CADM1: variants seen among roughly 807,000 people sequenced by gnomAD.
CADM1 encodes cell adhesion molecule 1, also known as TSLC-1.
In CADM1, 15 loss-of-function variants were observed where a neutral mutation model predicts 53.1. The ratio of observed to expected loss-of-function variants is 0.28; its 90% CI spans 0.19 to 0.44. CADM1 has a LOEUF of 0.44. CADM1 is among the 20% of genes least tolerant of loss of function. The probability of loss-of-function intolerance (pLI) is 1.00; values close to 1 mark genes in which losing one functional copy is unlikely to be tolerated. For missense variants in CADM1, 434 were observed against 611.3 expected (o/e 0.71, Z 3.06); for synonymous variants, 281 against 243.0 (o/e 1.16, Z -1.45).
chr11:115,232,438 G>A (rs1175369515), intron 3 of CADM1, among the ~76,000 whole-genome samples: 2 of 152,186 alleles, frequency 1.3e-5, no homozygotes, highest in Admixed American at 1.3e-4. Context: ...CAATTAGTTT[G>A]CAGCAATTTT....
At chr11:115,333,661 T>C (rs1945189455) in intron 1 of CADM1, 1 of 152,194 alleles carries the variant, frequency 6.6e-6, no homozygotes. Flanking sequence ...TGGGAGTCGG[T>C]ATCATCTTGA....
chr11:115,449,436 C>T (rs1274917649), intron 1 of CADM1, among the ~76,000 whole-genome samples: 2 of 152,154 alleles, frequency 1.3e-5, no homozygotes, highest in African/African-American at 2.4e-5. Flanking sequence ...AATAAGCCAC[C>T]TTCATTTCTT....
chr11:115,251,353 G>A (rs995888780), intron 1 of CADM1, among the ~76,000 whole-genome samples: 1 of 150,916 alleles, frequency 6.6e-6, no homozygotes, highest in Non-Finnish European at 1.5e-5. Flanking sequence ...GCTTAGAGCC[G>A]ACAGGACAAG....
chr11:115,232,209 C>G (rs78042766), intron 3 of CADM1, among the ~76,000 whole-genome samples: 1 of 152,130 alleles, frequency 6.6e-6, no homozygotes, highest in Non-Finnish European at 1.5e-5. Context: ...TCTTGAATTT[C>G]AATCTTCAAA....
intron 1 of CADM1, among the ~76,000 whole-genome samples, chr11:115,306,752 G>A (rs1036761574): frequency 3.3e-5 from 5 of 151,896 alleles, no homozygotes; most frequent in Admixed American, 6.6e-5. Context: ...TTAATACAAG[G>A]GAAATTTCTG....
intron 10 of CADM1, 191 bp downstream of exon 10, chr11:115,190,697 A>C (rs569042490): frequency 3.5e-6 from 2 of 565,022 alleles, no homozygotes; most frequent in African/African-American, 1.9e-5. Context: ...TCCGAAATAT[A>C]AATATCGCTA....
chr11:115,370,398 T>C (rs1230547075), intron 1 of CADM1, among the ~76,000 whole-genome samples: 1 of 152,144 alleles, frequency 6.6e-6, no homozygotes, highest in Non-Finnish European at 1.5e-5. Context: ...GAGGGGGTAT[T>C]TGGAGTCAGT....
chr11:115,492,687 G>A (rs540040771), intron 1 of CADM1, among the ~76,000 whole-genome samples: 22 of 152,000 alleles, frequency 1.4e-4, no homozygotes, highest in Admixed American at 5.2e-4. Flanking sequence ...CTAAAAAGAC[G>A]TTGCTATCAC....
intron 3 of CADM1, among the ~76,000 whole-genome samples, chr11:115,237,975 T>A (rs1432752552): frequency 6.6e-6 from 1 of 152,228 alleles, no homozygotes; most frequent in East Asian, 1.9e-4. Context: ...TGGCAAAGTA[T>A]ATGTTCATGG....
At chr11:115,397,208 A>G (rs993494657) in intron 1 of CADM1, 1 of 152,190 alleles carries the variant, frequency 6.6e-6, no homozygotes, top group African/African-American at 2.4e-5. Context: ...ACTCAGTGCT[A>G]TAATTTAAAA....
chr11:115,204,503 A>G (rs1045135666), intron 8 of CADM1, among the ~76,000 whole-genome samples: 5 of 152,220 alleles, frequency 3.3e-5, no homozygotes, highest in African/African-American at 4.8e-5. Context: ...TGTTGAGTGC[A>G]TAACTAAAAG....
intron 10 of CADM1, among the ~76,000 whole-genome samples, chr11:115,183,372 T>C (rs1459958632): frequency 3.9e-5 from 6 of 152,198 alleles, no homozygotes; most frequent in African/African-American, 1.2e-4. Context: ...TAAACCGCCA[T>C]GCAAATGCCA....
chr11:115,187,732 C>T (rs182057537), intron 10 of CADM1, among the ~76,000 whole-genome samples: 52 of 152,242 alleles, frequency 3.4e-4, no homozygotes, highest in Admixed American at 3.3e-4. Context: ...TGAGCCATCG[C>T]GCCCAGCTAA....
chr11:115,329,619 G>A (rs890057677), intron 1 of CADM1, among the ~76,000 whole-genome samples: 2 of 152,122 alleles, frequency 1.3e-5, no homozygotes, highest in Non-Finnish European at 2.9e-5. Flanking sequence ...CAAAGCCCCA[G>A]TGGGTGTGCT....
chr11:115,180,898 T>G (rs921888185), intron 10 of CADM1, among the ~76,000 whole-genome samples: 2 of 152,086 alleles, frequency 1.3e-5, no homozygotes, highest in Non-Finnish European at 2.9e-5. Flanking sequence ...TCAGACCTAT[T>G]AAAATTTATG....
chr11:115,335,018 T>C (rs942382214), intron 1 of CADM1, among the ~76,000 whole-genome samples: 2 of 152,112 alleles, frequency 1.3e-5, no homozygotes, highest in African/African-American at 4.8e-5. Flanking sequence ...TTCCAACAAG[T>C]AGTCATTAGA....
At chr11:115,402,960 G>T (rs762654425) in intron 1 of CADM1, among the ~76,000 whole-genome samples, 2 of 152,194 alleles carry the variant, frequency 1.3e-5, no homozygotes, top group Non-Finnish European at 2.9e-5. Context: ...AACAAATGTG[G>T]AAAGGATGAT....
chr11:115,208,632 A>G (rs1035876366), intron 8 of CADM1, among the ~76,000 whole-genome samples: 1 of 152,200 alleles, frequency 6.6e-6, no homozygotes, highest in Non-Finnish European at 1.5e-5. Context: ...CTCTTTCAAG[A>G]GATATTTTTT....
intron 1 of CADM1, among the ~76,000 whole-genome samples, chr11:115,479,292 A>C (rs1249913919): frequency 1.3e-5 from 2 of 152,162 alleles, no homozygotes; most frequent in Middle Eastern, 3.2e-3. Flanking sequence ...TTCTACATTA[A>C]AATATTCCAG....
Sources: gnomAD v4.1 joint callset for allele counts (sites outside exome capture counted in the v4.1 genomes callset) on GRCh38, gnomAD v4.1.1 for gene constraint, MANE v1.5 for transcripts, NCBI Gene and HGNC (gene_info 2026-07-23, HGNC 2026-07-21) for gene names.